Variants in CCDC62 observed in about 807,000 individuals in gnomAD.
CCDC62 encodes coiled-coil domain containing 62.
Under a neutral mutation model 80.8 loss-of-function variants are expected in CCDC62, and 72 were observed. The ratio of observed to expected loss-of-function variants is 0.89; its 90% CI spans 0.74 to 1.08. The LOEUF is 1.08. Ranked by LOEUF, CCDC62 falls within the 50% of genes least tolerant of loss-of-function variation. CCDC62 has a pLI of 0.00. For synonymous variants in CCDC62, 286 were observed against 296.5 expected, an observed-to-expected ratio of 0.96 and a Z score of 0.36; for missense variants, 704 against 809.4, an observed-to-expected ratio of 0.87 and a Z score of 1.58.
In CCDC62 at chr12:122,797,206, A is replaced by G. The variant is rs939178944; in HGVS notation, c.773-101A>G. 18 of 653,216 alleles carry G rather than the reference A, an allele frequency of 2.8e-5. No individual in the cohort carries two copies. The African/African-American group carries it at 2.9e-4, about 11-fold the overall frequency. The allele number at this position is 653,216 out of a possible 1,614,324, so 40.5% of individuals were successfully genotyped here. A position where few individuals can be genotyped will look rare whatever the true frequency, so the allele number is the denominator to read the frequency against. On this transcript the variant is annotated intron_variant, in intron 6 of 12. Transcript: ENST00000253079. ...TCTGCTATTTTTAAGTACAGGAACA[A>G]CAACAACAAAAATGTTAGCTGAGCA...
intron 11 of CCDC62, among the ~76,000 whole-genome samples, chr12:122,822,653 A>G (rs2032461732): frequency 7.1e-6 from 1 of 140,982 alleles, no homozygotes; most frequent in African/African-American, 2.8e-5. Context: ...GGCTCACTGT[A>G]AGCTCCGCCT....
At chr12:122,802,960 T>A (rs892332518) in intron 9 of CCDC62, among the ~76,000 whole-genome samples, 3 of 152,116 alleles carry the variant, frequency 2.0e-5, no homozygotes, top group Non-Finnish European at 4.4e-5. Flanking sequence ...AACTCAGGAG[T>A]TTGAGACTGC....
chr12:122,774,685 A>G lies in CCDC62; in HGVS notation c.15A>G (p.Ala5=). 3 of 1,256,726 alleles carry G rather than the reference A, an allele frequency of 2.4e-6. No individual in the cohort carries two copies. The highest frequency in any genetic ancestry group is 2.0e-6 in the Non-Finnish European group (2 of 991,700). 77.8% of individuals were successfully genotyped at this position (1,256,726 alleles called of 1,614,324 possible). Residue 5 remains alanine, a synonymous_variant, in exon 1 of 13, where the codon GCA becomes GCG. Transcript: ENST00000253079. MNPP[A]AFLAGRQNIG... is the part of the protein sequence containing the mutation. ...AGGAAACACCTATGAACCCTCCGGC[A>G]GCCTTCCTTGCCGGGCGCCAGGTAA...
intron 4 of CCDC62, among the ~76,000 whole-genome samples, chr12:122,787,198 AG>A (rs1566071566): frequency 6.6e-6 from 1 of 152,180 alleles, no homozygotes; most frequent in African/African-American, 2.4e-5. Context: ...CTATAATCCC[AG>A]CACTTTGGGA....
At chr12:122,802,931 G>A (rs573245187) in intron 9 of CCDC62, among the ~76,000 whole-genome samples, 1 of 152,290 alleles carries the variant, frequency 6.6e-6, no homozygotes, top group South Asian at 2.1e-4. Context: ...TTGGGAGGCT[G>A]AGGTGGGAGG....
At chr12:122,814,488 C>T (rs1276575655) in intron 11 of CCDC62, among the ~76,000 whole-genome samples, 1 of 150,048 alleles carries the variant, frequency 6.7e-6, no homozygotes, top group African/African-American at 2.5e-5. Context: ...GTCTCTCTAA[C>T]AGATATGGAC....
chr12:122,775,093 CAAAAA>C (rs36059141), intron 1 of CCDC62, among the ~76,000 whole-genome samples: 3,162 of 60,440 alleles, frequency 0.052, 115 homozygotes, highest in African/African-American at 0.18. Context: ...GACTCCGTCT[CAAAAA>C]AAAAAAAAAA....
rs566097275 is a variant in CCDC62 at position 122,798,707 on chromosome 12, G to A, written c.977+507G>A. On this transcript the variant is annotated intron_variant, in intron 8 of 12. Transcript: ENST00000253079. ...GAGGCAGGAGAATCACTTGAACCCC[G>A]GAGGTGGAGGTTGCAGTGAGCCGAG... 1.6e-4 allele frequency among the ~76,000 whole-genome samples: 24 copies of A among 152,258 alleles called. No individual in the cohort carries two copies. In the East Asian group the frequency reaches 3.3e-3, roughly 21 times the overall value.
At chr12:122,774,860 C>T (rs1435082110) in intron 1 of CCDC62, among the ~76,000 whole-genome samples, 154 bp downstream of exon 1, 1 of 151,596 alleles carries the variant, frequency 6.6e-6, no homozygotes, top group Non-Finnish European at 1.5e-5. Flanking sequence ...GAGGCGGAGG[C>T]GGGCGGATCA....
intron 1 of CCDC62, 106 bp from the exon 2 acceptor site, chr12:122,777,385 C>T: frequency 1.1e-6 from 1 of 889,482 alleles, no homozygotes; most frequent in Non-Finnish European, 1.7e-6. Context: ...AATTGAACTA[C>T]TTAGAATTGG....
Position 122,823,336 on chromosome 12 carries a change from C to T in CCDC62, c.2002-30C>T, listed in dbSNP as rs201286796. On this transcript the variant is annotated intron_variant, in intron 11 of 12. Transcript: ENST00000253079. ...TTAAGAATTTTTTAGTTTCTCTATC[C>T]TGAATACTAATCTGGGAGTTGTTTT... The T allele has an allele frequency of 7.2e-3, 11,207 of 1,565,792 alleles. 49 individuals are homozygous for T. The highest frequency in any genetic ancestry group is 9.0e-3 in the Non-Finnish European group (10,188 of 1,136,958).
rs1336870951 is a variant in CCDC62, at chr12:122,819,779, G to T, written c.2002-3587G>T. Among the ~76,000 whole-genome samples, 3 of 152,276 alleles carry T rather than the reference G, an allele frequency of 2.0e-5. No homozygotes were observed. In the East Asian group the frequency reaches 5.8e-4, roughly 29 times the overall value. On this transcript the variant is annotated intron_variant, in intron 11 of 12. Coordinates refer to ENST00000253079, the MANE Select transcript of CCDC62 (RefSeq NM_201435.5). Reference sequence around the variant, plus strand: ...TCCACATACATAAGGAGAGGGCCAGGAGCAGTGGCTCACACCTGTAATCCC... The same window carrying T: ...TCCACATACATAAGGAGAGGGCCAGTAGCAGTGGCTCACACCTGTAATCCC...
intron 12 of CCDC62, among the ~76,000 whole-genome samples, chr12:122,825,924 C>T (rs1296726845): frequency 5.1e-5 from 7 of 136,804 alleles, no homozygotes; most frequent in Admixed American, 8.5e-5. Flanking sequence ...ACCCGGGAGG[C>T]GGTGGTTGCA....
At chr12:122,811,948 G>A (rs764954712) in intron 10 of CCDC62, among the ~76,000 whole-genome samples, 4 of 151,300 alleles carry the variant, frequency 2.6e-5, no homozygotes, top group Non-Finnish European at 5.9e-5. Flanking sequence ...ATAAACGAAG[G>A]CACATACCCA....
intron 5 of CCDC62, 99 bp from the exon 6 acceptor site, chr12:122,791,921 G>A (rs773005273): frequency 2.5e-5 from 20 of 794,088 alleles, no homozygotes; most frequent in Non-Finnish European, 3.9e-5. Context: ...CATCAGGACC[G>A]GAAGGAGCCG....
At chr12:122,822,605 G>T (rs1444497872) in intron 11 of CCDC62, among the ~76,000 whole-genome samples, 3 of 115,096 alleles carry the variant, frequency 2.6e-5, no homozygotes, top group African/African-American at 1.1e-4. Context: ...ATGGAGTCTC[G>T]GTCTGTCGCC....
intron 2 of CCDC62, among the ~76,000 whole-genome samples, chr12:122,779,196 A>G (rs1176387664): frequency 6.6e-6 from 1 of 152,208 alleles, no homozygotes; most frequent in African/African-American, 2.4e-5. Flanking sequence ...TCCTGTTCTC[A>G]TTAGTAGTTA....
intron 6 of CCDC62, 56 bp downstream of exon 6, chr12:122,792,177 A>C: frequency 9.5e-7 from 1 of 1,049,716 alleles, no homozygotes; most frequent in South Asian, 1.3e-5. Context: ...TGACAGGCTG[A>C]AGGAATTATA....
intron 6 of CCDC62, 49 bp downstream of exon 6, chr12:122,792,170 C>A: frequency 9.1e-7 from 1 of 1,093,858 alleles, no homozygotes; most frequent in Non-Finnish European, 1.4e-6. Context: ...GCAATGATGA[C>A]AGGCTGAAGG....
Sources: allele counts gnomAD v4.1 joint callset (sites outside exome capture counted in the v4.1 genomes callset), GRCh38; gene constraint gnomAD v4.1.1; transcripts MANE v1.5; gene names NCBI Gene and HGNC (gene_info 2026-07-23, HGNC 2026-07-21).